The following CEP128 variants were observed in gnomAD, a reference collection of about 807,000 sequenced individuals.
CEP128 encodes centrosomal protein 128kDa.
Under a neutral mutation model 156.7 loss-of-function variants are expected in CEP128, and 132 were observed. The ratio of observed to expected loss-of-function variants is 0.84; its 90% CI spans 0.73 to 0.97. The LOEUF is 0.97. Among genes scored for constraint, CEP128 ranks in the 50% least tolerant of loss-of-function variants. CEP128 has a pLI of 0.00. For missense variants in CEP128, 1,252 were observed against 1,281.9 expected (o/e 0.98, Z 0.36); for synonymous variants, 469 against 448.9 (o/e 1.04, Z -0.57).
chr14:80,873,148 T>C (rs1446225112), intron 8 of CEP128, among the ~76,000 whole-genome samples: 5 of 152,202 alleles, frequency 3.3e-5, no homozygotes. Context: ...TGTGTCCTCA[T>C]GAGCTGGGCA....
At chr14:80,717,859 G>T (rs1306342658) in intron 19 of CEP128, among the ~76,000 whole-genome samples, 2 of 151,980 alleles carry the variant, frequency 1.3e-5, no homozygotes, top group African/African-American at 4.8e-5. Context: ...TTATTGCCCA[G>T]GCTGGAGTGC....
At chr14:80,588,985 T>C (rs1891934569) in intron 19 of CEP128, among the ~76,000 whole-genome samples, 1 of 152,120 alleles carries the variant, frequency 6.6e-6, no homozygotes, top group Non-Finnish European at 1.5e-5. Flanking sequence ...AGAAAGAAAG[T>C]GGGAATTAAG....
At chr14:80,710,943 T>C (rs1246691287) in intron 19 of CEP128, among the ~76,000 whole-genome samples, 2 of 152,174 alleles carry the variant, frequency 1.3e-5, no homozygotes, top group African/African-American at 4.8e-5. Flanking sequence ...TCTGAAATCA[T>C]TAACTTGCAC....
intron 19 of CEP128, among the ~76,000 whole-genome samples, chr14:80,594,283 A>C (rs895522756): frequency 6.6e-6 from 1 of 152,198 alleles, no homozygotes; most frequent in African/African-American, 2.4e-5. Context: ...AGAAAACTGA[A>C]ACTGGACCCC....
chr14:80,942,847 A>C (rs538540238), upstream of CEP128, among the ~76,000 whole-genome samples: 2 of 151,900 alleles, frequency 1.3e-5, no homozygotes, highest in South Asian at 4.2e-4. Flanking sequence ...CCCTCCCAAC[A>C]GGCAGAGTCA....
intron 19 of CEP128, among the ~76,000 whole-genome samples, chr14:80,637,048 T>C (rs937091287): frequency 1.7e-4 from 25 of 151,392 alleles, no homozygotes; most frequent in African/African-American, 6.1e-4. Context: ...ATCGGGCCAT[T>C]GTACTCCAGC....
At chr14:80,656,604 T>C (rs1895184628) in intron 19 of CEP128, among the ~76,000 whole-genome samples, 1 of 151,966 alleles carries the variant, frequency 6.6e-6, no homozygotes, top group Non-Finnish European at 1.5e-5. Flanking sequence ...CTAAGTTGCC[T>C]CTGGAGAATA....
chr14:80,488,748 T>C (rs193060893), downstream of CEP128, among the ~76,000 whole-genome samples: 1 of 152,216 alleles, frequency 6.6e-6, no homozygotes, highest in Admixed American at 6.5e-5. Context: ...TGTCCAACAA[T>C]GATAGTCTGG....
At chr14:80,534,805 A>G (rs1889407100) in intron 21 of CEP128, among the ~76,000 whole-genome samples, 1 of 141,112 alleles carries the variant, frequency 7.1e-6, no homozygotes, top group Middle Eastern at 3.3e-3. Flanking sequence ...AGCCTGGGCG[A>G]CAGAGCAAGA....
intron 23 of CEP128, among the ~76,000 whole-genome samples, chr14:80,505,518 GA>G (rs1887931538): frequency 6.6e-6 from 1 of 151,948 alleles, no homozygotes; most frequent in Non-Finnish European, 1.5e-5. Context: ...AAATTCTTAT[GA>G]AAAAATACTG....
intron 13 of CEP128, among the ~76,000 whole-genome samples, chr14:80,828,503 T>C (rs1482104155): frequency 6.6e-6 from 1 of 152,186 alleles, no homozygotes; most frequent in African/African-American, 2.4e-5. Flanking sequence ...ATTAGTGATA[T>C]GGACAAAAGG....
At chr14:80,544,915 T>A (rs1200249503) in intron 21 of CEP128, among the ~76,000 whole-genome samples, 1 of 152,192 alleles carries the variant, frequency 6.6e-6, no homozygotes, top group South Asian at 2.1e-4. Flanking sequence ...ATTTGTGTCT[T>A]CATAGAAGAT....
chr14:80,852,129 C>T (rs1886923909), intron 9 of CEP128, among the ~76,000 whole-genome samples: 1 of 151,912 alleles, frequency 6.6e-6, no homozygotes, highest in African/African-American at 2.4e-5. Context: ...ACATAAAATT[C>T]TGCATCCAAA....
At chr14:80,686,922 A>G (rs1256165813) in intron 19 of CEP128, among the ~76,000 whole-genome samples, 1 of 152,162 alleles carries the variant, frequency 6.6e-6, no homozygotes, top group Admixed American at 6.5e-5. Flanking sequence ...CCAATGCAGG[A>G]GCACCCAGAT....
chr14:80,891,038 C>T (rs1462386520), intron 8 of CEP128, among the ~76,000 whole-genome samples: 1 of 151,942 alleles, frequency 6.6e-6, no homozygotes, highest in East Asian at 1.9e-4. Context: ...ATCCAAAAGA[C>T]AGGCAATAAG....
At chr14:80,690,261 A>C (rs867899540) in intron 19 of CEP128, among the ~76,000 whole-genome samples, 4 of 151,104 alleles carry the variant, frequency 2.6e-5, no homozygotes, top group African/African-American at 9.7e-5. Context: ...AAAAAAAAAA[A>C]AAAAATTAGC....
At chr14:80,782,472 C>A (rs182088617) in intron 15 of CEP128, among the ~76,000 whole-genome samples, 1 of 152,186 alleles carries the variant, frequency 6.6e-6, no homozygotes, top group Non-Finnish European at 1.5e-5. Flanking sequence ...CGCTCCTAGA[C>A]TAGTCTCGGT....
In CEP128 at chr14:80,748,529, A is replaced by G. The variant is rs561702243; in HGVS notation, c.2614-5262T>C. On this transcript the variant is annotated intron_variant, in intron 18 of 24. Transcript: ENST00000555265. ...CTGGAAATCAAGAGGTTGTTACAGTACTCCAAGCAAGTGAAAATGCAAAGG... is the reference window on the plus strand; with the variant it reads ...CTGGAAATCAAGAGGTTGTTACAGTGCTCCAAGCAAGTGAAAATGCAAAGG... Among the ~76,000 whole-genome samples, 3 of 152,236 alleles carry G rather than the reference A, an allele frequency of 2.0e-5. No homozygotes were observed. In the South Asian group the frequency reaches 6.2e-4, roughly 32 times the overall value.
At chr14:80,791,476 C>T (rs1210577273) in intron 14 of CEP128, among the ~76,000 whole-genome samples, 1 of 152,178 alleles carries the variant, frequency 6.6e-6, no homozygotes, top group Admixed American at 6.5e-5. Flanking sequence ...TTCTAAATCT[C>T]TTCTAATTAA....
Sources: gnomAD v4.1 joint callset for allele counts (sites outside exome capture counted in the v4.1 genomes callset) on GRCh38, gnomAD v4.1.1 for gene constraint, MANE v1.5 for transcripts, NCBI Gene and HGNC (gene_info 2026-07-23, HGNC 2026-07-21) for gene names.